The following DNER variants were observed in gnomAD, a reference collection of about 807,000 sequenced individuals.
DNER encodes the protein delta/notch like EGF repeat containing, also known as delta and Notch-like epidermal growth factor-related receptor.
Under a neutral mutation model 78.2 loss-of-function variants are expected in DNER, and 33 were observed. The observed-to-expected ratio is 0.42, with a 90% CI of 0.32 to 0.56. DNER has a LOEUF of 0.56. Among genes scored for constraint, DNER ranks in the 20% least tolerant of loss-of-function variants. The pLI, the probability that DNER is intolerant of heterozygous loss-of-function variation, is 0.11. For synonymous variants in DNER, 417 were observed against 384.8 expected (o/e 1.08, Z -0.98); for missense variants, 918 against 975.3 (o/e 0.94, Z 0.78).
At chr2:229,431,430 T>C (rs1028394141) in intron 8 of DNER, among the ~76,000 whole-genome samples, 3 of 152,168 alleles carry the variant, frequency 2.0e-5, no homozygotes, top group African/African-American at 7.2e-5. Flanking sequence ...AAGCTTTCTC[T>C]TGGAATTGGC....
intron 7 of DNER, among the ~76,000 whole-genome samples, chr2:229,467,127 C>T (rs925912213): frequency 3.3e-5 from 5 of 152,108 alleles, no homozygotes; most frequent in Non-Finnish European, 4.4e-5. Context: ...TGGGTCGCAG[C>T]GGCCAAGGGC....
intron 1 of DNER, among the ~76,000 whole-genome samples, chr2:229,697,888 A>G (rs999420872): frequency 6.6e-6 from 1 of 152,156 alleles, no homozygotes; most frequent in African/African-American, 2.4e-5. Flanking sequence ...CAAGGCATGC[A>G]TGTAGAAGTA....
rs920265087 is a variant in DNER, at chr2:229,652,666, T to C, written c.277-60778A>G. 1.9e-4 allele frequency among the ~76,000 whole-genome samples: 29 copies of C among 152,296 alleles called. 1 individual carries two copies. The South Asian group carries it at 2.7e-3, about 14-fold the overall frequency. On this transcript the variant is annotated intron_variant, in intron 1 of 12. Coordinates refer to ENST00000341772, the MANE Select transcript of DNER (RefSeq NM_139072.4). ...GAAAGTGTCAGGCAGGAAGCAGCAATGTGGAAGACAGTAGATATTGATGAG... is the reference window on the plus strand; with the variant it reads ...GAAAGTGTCAGGCAGGAAGCAGCAACGTGGAAGACAGTAGATATTGATGAG...
At chr2:229,705,238 AT>A (rs1699808183) in intron 1 of DNER, among the ~76,000 whole-genome samples, 1 of 152,206 alleles carries the variant, frequency 6.6e-6, no homozygotes, top group Admixed American at 6.5e-5. Context: ...GAAACCCAAA[AT>A]GTAATTACAA....
chr2:229,658,202 C>T (rs1027337742), intron 1 of DNER, among the ~76,000 whole-genome samples: 3 of 152,200 alleles, frequency 2.0e-5, no homozygotes, highest in Non-Finnish European at 2.9e-5. Context: ...TGATATCTGA[C>T]TTTATTCATT....
chr2:229,619,791 A>C (rs1250546654), intron 1 of DNER, among the ~76,000 whole-genome samples: 1 of 152,212 alleles, frequency 6.6e-6, no homozygotes, highest in Non-Finnish European at 1.5e-5. Context: ...TATTTTAAAT[A>C]ATTAAATAAT....
At chr2:229,425,641 C>T (rs1044579318) in intron 8 of DNER, among the ~76,000 whole-genome samples, 2 of 152,226 alleles carry the variant, frequency 1.3e-5, no homozygotes, top group African/African-American at 4.8e-5. Context: ...GCTCTGGTTC[C>T]ACAGTGTGTT....
intron 7 of DNER, among the ~76,000 whole-genome samples, chr2:229,457,776 G>GA (rs112392058): frequency 0.013 from 1,794 of 141,036 alleles, 39 homozygotes; most frequent in African/African-American, 0.041. Context: ...ACTTTATTTG[G>GA]AAAAAAAAAA....
intron 1 of DNER, among the ~76,000 whole-genome samples, chr2:229,593,696 C>A (rs1389775817): frequency 6.6e-6 from 1 of 152,204 alleles, no homozygotes; most frequent in African/African-American, 2.4e-5. Context: ...AAGTTGTTAT[C>A]TTGTTTCTGA....
intron 12 of DNER, among the ~76,000 whole-genome samples, chr2:229,362,702 C>T (rs1430334771): frequency 2.0e-5 from 3 of 152,162 alleles, no homozygotes; most frequent in South Asian, 2.1e-4. Context: ...GTCTGGCCCA[C>T]GGGAAGCTTT....
At chr2:229,693,367 T>G (rs1699612978) in intron 1 of DNER, among the ~76,000 whole-genome samples, 1 of 151,978 alleles carries the variant, frequency 6.6e-6, no homozygotes, top group African/African-American at 2.4e-5. Flanking sequence ...ATGTCTTTAT[T>G]AGCAGTGTGA....
chr2:229,621,927 TA>T (rs940250830), intron 1 of DNER, among the ~76,000 whole-genome samples: 2 of 150,850 alleles, frequency 1.3e-5, no homozygotes, highest in Non-Finnish European at 3.0e-5. Flanking sequence ...CTACTAAAAA[TA>T]AAAAAAAATT....
At chr2:229,536,191 G>A (rs988544935) in intron 5 of DNER, among the ~76,000 whole-genome samples, 14 of 152,196 alleles carry the variant, frequency 9.2e-5, no homozygotes, top group Admixed American at 3.3e-4. Flanking sequence ...CATAGTTAGA[G>A]GCTGAGGAAG....
chr2:229,682,815 T>C (rs1437204775), intron 1 of DNER, among the ~76,000 whole-genome samples: 1 of 151,968 alleles, frequency 6.6e-6, no homozygotes, highest in African/African-American at 2.4e-5. Context: ...GCCATTGCAC[T>C]CCAGCCTGGG....
At chr2:229,678,199 G>C (rs1424807402) in intron 1 of DNER, among the ~76,000 whole-genome samples, 1 of 152,162 alleles carries the variant, frequency 6.6e-6, no homozygotes, top group East Asian at 1.9e-4. Context: ...GCAGCCACTT[G>C]CTACCCCCTA....
chr2:229,624,300 C>T (rs573011761), intron 1 of DNER, among the ~76,000 whole-genome samples: 20 of 152,220 alleles, frequency 1.3e-4, no homozygotes, highest in African/African-American at 4.1e-4. Flanking sequence ...GAGTAAGCCA[C>T]GAGAAAACTT....
intron 1 of DNER, among the ~76,000 whole-genome samples, chr2:229,697,621 T>C (rs80257173): frequency 0.037 from 5,599 of 152,330 alleles, 141 homozygotes; most frequent in Non-Finnish European, 0.059. Flanking sequence ...AACTGTCTAC[T>C]TCAATATGAA....
At chr2:229,606,754 G>A (rs566214918) in intron 1 of DNER, among the ~76,000 whole-genome samples, 6 of 152,200 alleles carry the variant, frequency 3.9e-5, no homozygotes, top group South Asian at 2.1e-4. Context: ...TTAGCTGGGC[G>A]TGGTGGTGCG....
intron 1 of DNER, among the ~76,000 whole-genome samples, chr2:229,689,391 A>G (rs1437287188): frequency 6.6e-6 from 1 of 152,258 alleles, no homozygotes; most frequent in Non-Finnish European, 1.5e-5. Context: ...TCATTTAAAC[A>G]TGCAAAGTTT....
Sources: allele counts gnomAD v4.1 joint callset (sites outside exome capture counted in the v4.1 genomes callset), GRCh38; gene constraint gnomAD v4.1.1; transcripts MANE v1.5; gene names NCBI Gene and HGNC (gene_info 2026-07-23, HGNC 2026-07-21).